AFDN: variants seen among roughly 807,000 people sequenced by gnomAD.
AFDN encodes the protein afadin.
AFDN carries 68 observed loss-of-function variants against 216.6 expected under a neutral mutation model. The observed-to-expected ratio is 0.31, with a 90% CI of 0.26 to 0.38. AFDN has a LOEUF of 0.38. AFDN is among the 10% of genes least tolerant of loss of function. AFDN has a pLI of 1.00. For missense variants in AFDN, 2,136 were observed against 2,342.0 expected, an observed-to-expected ratio of 0.91 and a Z score of 1.82; for synonymous variants, 868 against 853.7, an observed-to-expected ratio of 1.02 and a Z score of -0.29.
intron 1 of AFDN, among the ~76,000 whole-genome samples, chr6:167,844,942 C>T (rs140881370): frequency 9.5e-4 from 142 of 150,084 alleles, no homozygotes; most frequent in African/African-American, 3.3e-3. Flanking sequence ...TCACTGTAGC[C>T]TCGACCTCCC....
At chr6:167,855,937 G>A (rs1782844590) in intron 1 of AFDN, among the ~76,000 whole-genome samples, 1 of 152,064 alleles carries the variant, frequency 6.6e-6, no homozygotes, top group Non-Finnish European at 1.5e-5. Flanking sequence ...AGTTAGCCAG[G>A]ATCAACTGTG....
intron 32 of AFDN, among the ~76,000 whole-genome samples, chr6:167,968,243 G>T (rs73036681): frequency 2.0e-4 from 30 of 152,220 alleles, no homozygotes; most frequent in South Asian, 1.2e-3. Flanking sequence ...ATAAATTGTC[G>T]TAAGGTGGAG....
At chr6:167,834,912 G>T (rs897706410) in intron 1 of AFDN, among the ~76,000 whole-genome samples, 2 of 152,112 alleles carry the variant, frequency 1.3e-5, no homozygotes, top group Non-Finnish European at 2.9e-5. Flanking sequence ...AGCCCAGGAG[G>T]TCAAGGCTGC....
At chr6:167,969,742 T>C (rs1209012039) in intron 33 of AFDN, 40 bp from the exon 34 acceptor site, 1 of 1,562,496 alleles carries the variant, frequency 6.4e-7, no homozygotes, top group Admixed American at 2.2e-5. Context: ...AGGTTGTTTC[T>C]AGTTTGTCCA....
intron 1 of AFDN, among the ~76,000 whole-genome samples, chr6:167,836,050 C>T (rs1189448000): frequency 6.6e-6 from 1 of 152,050 alleles, no homozygotes; most frequent in African/African-American, 2.4e-5. Flanking sequence ...TTTATAAATG[C>T]CTCCTTTTAA....
At chr6:167,831,037 G>A (rs1779778574) in intron 1 of AFDN, among the ~76,000 whole-genome samples, 1 of 141,350 alleles carries the variant, frequency 7.1e-6, no homozygotes, top group South Asian at 2.3e-4. Context: ...TACCTTCCAG[G>A]TTCAAGTGAT....
At position 167,913,435 on chromosome 6, in the gene AFDN, G is replaced by T; in HGVS notation, c.2058+12G>T. Reference sequence around the variant, plus strand: ...ACCAGGTTGACCAGGTAGGACATCTGCTGGGAGCTGATCCTAGCTGTGTTG... The same window carrying T: ...ACCAGGTTGACCAGGTAGGACATCTTCTGGGAGCTGATCCTAGCTGTGTTG... On this transcript the variant is annotated intron_variant, in intron 16 of 33. Transcript: ENST00000683244. The T allele has an allele frequency of 6.5e-7, 1 of 1,535,812 alleles. No individual in the cohort carries two copies. Among genetic ancestry groups the T allele is most frequent in the Non-Finnish European group, 8.7e-7 (1 of 1,146,670 alleles).
At chr6:167,952,689 A>G in intron 30 of AFDN, 1 of 173,094 alleles carries the variant, frequency 5.8e-6, no homozygotes, top group Non-Finnish European at 1.1e-5. Flanking sequence ...TTACAGAAAC[A>G]CAGGGCAGAT....
Position 167,864,544 on chromosome 6 carries a change from CT to C in AFDN, c.106-3del, listed in dbSNP as rs1562572368. 6.2e-7 allele frequency: 1 copy of C among 1,606,238 alleles called. No homozygotes were observed. The highest frequency in any genetic ancestry group is 1.3e-5 in the African/African-American group (1 of 74,310). ...TTCCAAAAATGTACCATTTTGTTTT[CT>C]TTTAGGATTTGGAGTTCCATGGAGT... On this transcript the variant is annotated splice_region_variant and splice_polypyrimidine_tract_variant and intron_variant, in intron 1 of 33. Coordinates refer to ENST00000683244, the MANE Select transcript of AFDN (RefSeq NM_001386888.1).
rs771907475 is a variant in AFDN at position 167,962,074 on chromosome 6, G to A, written c.4834-359G>A. On this transcript the variant is annotated intron_variant, in intron 30 of 33. Coordinates refer to ENST00000683244, the MANE Select transcript of AFDN (RefSeq NM_001386888.1). The surrounding 1 kb of genome is among the most constrained non-coding windows in gnomAD (Gnocchi z 5.2). The stretch of plus-strand genomic sequence containing the variant: ...TCAGTGTGTTCTGCAGGTCCATCAA[G>A]TGGGGCCTGTTTGAGCCTGTTAATT... 3.3e-5 allele frequency among the ~76,000 whole-genome samples: 5 copies of A among 152,206 alleles called. No individual in the cohort carries two copies. The highest frequency in any genetic ancestry group is 7.3e-5 in the Non-Finnish European group (5 of 68,036).
At chr6:167,909,683 TAAG>T (rs1292720423) in intron 13 of AFDN, among the ~76,000 whole-genome samples, 1 of 152,162 alleles carries the variant, frequency 6.6e-6, no homozygotes. Context: ...TTTCACCAAA[TAAG>T]ATTTATTTGA....
At chr6:167,936,161 G>A (rs1793975644) in intron 23 of AFDN, among the ~76,000 whole-genome samples, 1 of 152,134 alleles carries the variant, frequency 6.6e-6, no homozygotes, top group Non-Finnish European at 1.5e-5. Flanking sequence ...CCATATTTCA[G>A]TTTGGATGAG....
At chr6:167,956,989 C>T (rs567987006) in intron 30 of AFDN, among the ~76,000 whole-genome samples, 2 of 152,338 alleles carry the variant, frequency 1.3e-5, no homozygotes, top group Non-Finnish European at 2.9e-5. Context: ...CTTAGACAGG[C>T]GGTCTAAGTT....
intron 10 of AFDN, 31 bp from the exon 11 acceptor site, chr6:167,898,174 G>A (rs770370670): frequency 1.9e-6 from 3 of 1,609,402 alleles, no homozygotes; most frequent in African/African-American, 1.3e-5. Context: ...ACTTCATGAT[G>A]GGAGTTTCTT....
intron 1 of AFDN, among the ~76,000 whole-genome samples, chr6:167,840,127 AG>A (rs1271898899): frequency 6.6e-6 from 1 of 152,186 alleles, no homozygotes; most frequent in Non-Finnish European, 1.5e-5. Flanking sequence ...GGATTTGTCA[AG>A]TCAGGGAAGC....
intron 4 of AFDN, among the ~76,000 whole-genome samples, chr6:167,874,983 G>C (rs891726487): frequency 6.6e-6 from 1 of 152,052 alleles, no homozygotes; most frequent in Non-Finnish European, 1.5e-5. Flanking sequence ...TCTTTCTTGT[G>C]GTTGGAAGGT....
chr6:167,829,633 A>C (rs2128065909), intron 1 of AFDN, among the ~76,000 whole-genome samples: 1 of 152,150 alleles, frequency 6.6e-6, no homozygotes, highest in Non-Finnish European at 1.5e-5. Flanking sequence ...TTACTTGGGT[A>C]ATCTTTTTAT....
At chr6:167,880,919 T>C (rs1786029913) in intron 6 of AFDN, among the ~76,000 whole-genome samples, 1 of 152,192 alleles carries the variant, frequency 6.6e-6, no homozygotes, top group Non-Finnish European at 1.5e-5. Context: ...TTGTTCATGA[T>C]TTTAAAAAAT....
intron 1 of AFDN, among the ~76,000 whole-genome samples, chr6:167,853,463 C>A (rs1007118718): frequency 2.6e-5 from 4 of 151,950 alleles, no homozygotes; most frequent in Admixed American, 2.0e-4. Flanking sequence ...AGAAAAAAAT[C>A]TTTTTTCTGT....
Sources: allele counts gnomAD v4.1 joint callset (sites outside exome capture counted in the v4.1 genomes callset), GRCh38; gene constraint gnomAD v4.1.1; non-coding constraint Gnocchi (gnomAD v3.1); transcripts MANE v1.5; gene names NCBI Gene and HGNC (gene_info 2026-07-23, HGNC 2026-07-21).